Variants in ANO4 observed in about 807,000 individuals in gnomAD.
ANO4 encodes anoctamin-4.
In ANO4, 69 loss-of-function variants were observed where a neutral mutation model predicts 141.9. That is an observed-to-expected ratio of 0.49 (90% CI 0.40 to 0.59). The LOEUF is 0.59. Ranked by LOEUF, ANO4 falls within the 20% of genes least tolerant of loss-of-function variation. The pLI, the probability that ANO4 is intolerant of heterozygous loss-of-function variation, is 0.00. For missense variants in ANO4, 894 were observed against 1,162.2 expected, an observed-to-expected ratio of 0.77 and a Z score of 3.36; for synonymous variants, 350 against 394.3, an observed-to-expected ratio of 0.89 and a Z score of 1.33.
intron 1 of ANO4, among the ~76,000 whole-genome samples, chr12:100,836,596 C>G (rs116734653): frequency 6.7e-6 from 1 of 148,522 alleles, no homozygotes; most frequent in Admixed American, 6.8e-5. Flanking sequence ...TAGTGTGATA[C>G]GGGCTGTGAT....
At chr12:101,123,362 T>A (rs1052248262) in intron 26 of ANO4, among the ~76,000 whole-genome samples, 2 of 152,186 alleles carry the variant, frequency 1.3e-5, no homozygotes, top group Non-Finnish European at 2.9e-5. Context: ...CATACAGGTT[T>A]GTTACACAGG....
rs566246409 is a variant in ANO4, at chr12:100,720,923, G to A, written c.22+3376G>A. ...AGAAGTTGAGGCACAGATAGGTTAA[G>A]GAACTTATTTAGGGAGTGTAATGAG... On this transcript the variant is annotated intron_variant, in intron 1 of 29. Coordinates refer to the ANO4 transcript ENST00000644049. Among the ~76,000 whole-genome samples, 86 of 152,304 alleles carry A rather than the reference G, an allele frequency of 5.6e-4. 1 individual carries two copies. In the South Asian group the frequency reaches 0.017, roughly 29 times the overall value.
chr12:100,755,513 A>G (rs187669826), intron 3 of ANO4, among the ~76,000 whole-genome samples: 34 of 152,330 alleles, frequency 2.2e-4, no homozygotes, highest in African/African-American at 7.5e-4. Context: ...TTGATGCATA[A>G]TAGTTGATCA....
chr12:101,091,660 T>C (rs1449504418), intron 17 of ANO4, among the ~76,000 whole-genome samples: 1 of 152,146 alleles, frequency 6.6e-6, no homozygotes, highest in African/African-American at 2.4e-5. Flanking sequence ...ATATTGACCA[T>C]ACTTTTCTTC....
intron 8 of ANO4, among the ~76,000 whole-genome samples, chr12:100,990,693 G>A (rs1043650360): frequency 1.3e-5 from 2 of 152,124 alleles, no homozygotes; most frequent in African/African-American, 2.4e-5. Flanking sequence ...AGTATGATGG[G>A]TGTGACTTAA....
chr12:100,948,793 C>G (rs2042850885), intron 5 of ANO4, among the ~76,000 whole-genome samples: 1 of 152,148 alleles, frequency 6.6e-6, no homozygotes, highest in African/African-American at 2.4e-5. Context: ...CCCCTGAGTT[C>G]AGGTGGGACC....
chr12:100,923,126 T>G (rs1054833108), intron 3 of ANO4, among the ~76,000 whole-genome samples: 1 of 152,040 alleles, frequency 6.6e-6, no homozygotes, highest in African/African-American at 2.4e-5. Flanking sequence ...TTTGGGACAT[T>G]GCATTTTCTT....
At chr12:101,019,382 G>A (rs1011540464) in intron 8 of ANO4, among the ~76,000 whole-genome samples, 7 of 151,868 alleles carry the variant, frequency 4.6e-5, no homozygotes, top group Admixed American at 1.3e-4. Context: ...GTGTGTGTGC[G>A]CACACACACA....
intron 9 of ANO4, among the ~76,000 whole-genome samples, chr12:101,027,469 G>T (rs780501376): frequency 2.0e-5 from 3 of 152,184 alleles, no homozygotes; most frequent in Non-Finnish European, 4.4e-5. Flanking sequence ...AGCTCTCTGT[G>T]GGGGAAAGGA....
At chr12:100,718,781 C>T (rs1242528054) in intron 1 of ANO4, among the ~76,000 whole-genome samples, 1 of 152,178 alleles carries the variant, frequency 6.6e-6, no homozygotes, top group Non-Finnish European at 1.5e-5. Context: ...CTTACCTGCA[C>T]GCACATTTAA....
chr12:100,915,279 G>A (rs138932274), intron 2 of ANO4, among the ~76,000 whole-genome samples: 1 of 152,260 alleles, frequency 6.6e-6, no homozygotes, highest in Non-Finnish European at 1.5e-5. Context: ...TTTTAGATAT[G>A]TAGCTCAAGT....
Position 101,075,801 on chromosome 12 carries a change from A to G in ANO4, c.1313-3392A>G, listed in dbSNP as rs76452499. Among the ~76,000 whole-genome samples, 24 of 151,768 alleles carry G rather than the reference A, an allele frequency of 1.6e-4. No individual in the cohort carries two copies. In the East Asian group the frequency reaches 4.7e-3, roughly 29 times the overall value. ...GAAGGAGACAAGAAAGTGTGAGCTC[A>G]TGACATAAGACAGTGTATAACTAGG... is the stretch of plus-strand genomic sequence containing the variant. On this transcript the variant is annotated intron_variant, in intron 14 of 27. Transcript: ENST00000392977.
At chr12:101,079,112 G>T in intron 14 of ANO4, 81 bp from the exon 15 acceptor site, 1 of 1,201,146 alleles carries the variant, frequency 8.3e-7, no homozygotes, top group Non-Finnish European at 1.2e-6. Flanking sequence ...CTTGGCAATG[G>T]CTTCATTATT....
chr12:100,801,091 T>TTCTCTCTC (rs1160327759), intron 1 of ANO4, among the ~76,000 whole-genome samples: 1 of 107,328 alleles, frequency 9.3e-6, no homozygotes, highest in African/African-American at 4.0e-5. Flanking sequence ...GTTTGTCTAC[T>TTCTCTCTC]TGTCTCTCTC....
chr12:101,069,196 C>T (rs2048712704), intron 14 of ANO4: 1 of 1,279,684 alleles, frequency 7.8e-7, no homozygotes, highest in Non-Finnish European at 1.1e-6. Flanking sequence ...ACAGTGTCTC[C>T]CTTTTGCAGA....
chr12:101,083,333 T>G (rs1336782004), intron 15 of ANO4, among the ~76,000 whole-genome samples: 1 of 152,240 alleles, frequency 6.6e-6, no homozygotes, highest in Non-Finnish European at 1.5e-5. Flanking sequence ...TAAAAGCTTA[T>G]TAGTTGTTCC....
At chr12:101,014,073 T>A (rs1029179660) in intron 8 of ANO4, among the ~76,000 whole-genome samples, 18 of 152,186 alleles carry the variant, frequency 1.2e-4, no homozygotes, top group African/African-American at 4.1e-4. Context: ...TAGGTTTTTT[T>A]CACCTTTGCA....
At chr12:100,787,565 G>GC (rs1233994325) in intron 3 of ANO4, among the ~76,000 whole-genome samples, 1 of 152,144 alleles carries the variant, frequency 6.6e-6, no homozygotes, top group African/African-American at 2.4e-5. Flanking sequence ...CTCGGGGTTG[G>GC]CCAGAGTGAG....
chr12:100,793,121 G>C (rs1364239006), upstream of ANO4, among the ~76,000 whole-genome samples: 1 of 152,102 alleles, frequency 6.6e-6, no homozygotes, highest in Non-Finnish European at 1.5e-5. Context: ...ATTTAAATTT[G>C]TCCATGAGAC....
Sources: allele counts gnomAD v4.1 joint callset (sites outside exome capture counted in the v4.1 genomes callset), GRCh38; gene constraint gnomAD v4.1.1; transcripts MANE v1.5; gene names NCBI Gene and HGNC (gene_info 2026-07-23, HGNC 2026-07-21).